Variants in RASA3 observed in about 807,000 individuals in gnomAD.
The protein encoded by RASA3 is ras GTPase-activating protein 3.
RASA3 carries 73 observed loss-of-function variants against 110.0 expected under a neutral mutation model. The ratio of observed to expected loss-of-function variants is 0.66; its 90% CI spans 0.55 to 0.81. The LOEUF is 0.81. Ranked by LOEUF, RASA3 falls within the 30% of genes least tolerant of loss-of-function variation. The probability of loss-of-function intolerance (pLI) is 0.00; values close to 1 mark genes in which losing one functional copy is unlikely to be tolerated. For missense variants in RASA3, 976 were observed against 1,113.2 expected (o/e 0.88, Z 1.75); for synonymous variants, 500 against 451.4 (o/e 1.11, Z -1.37).
At chr13:114,009,147 C>T (rs531996748) in intron 17 of RASA3, among the ~76,000 whole-genome samples, 2 of 152,332 alleles carry the variant, frequency 1.3e-5, no homozygotes, top group East Asian at 1.9e-4. Flanking sequence ...ACAAGATGGG[C>T]GAGGGCCCCG....
chr13:114,130,830 C>T lies in RASA3; in HGVS notation c.55+1605G>A, dbSNP rs1465567206. ...CCCCACAGGGGCACCCACCTCCAGC[C>T]CTCCTGCCCCCGTGACTGAGGAAGC... On this transcript the variant is annotated intron_variant, in intron 1 of 23. Transcript: ENST00000334062. Among the ~76,000 whole-genome samples, 5 of 152,188 alleles carry T rather than the reference C, an allele frequency of 3.3e-5. No homozygotes were observed. In the East Asian group the frequency reaches 9.7e-4, roughly 29 times the overall value.
rs2079249179 is a variant in RASA3, at chr13:114,056,537, G to C, written c.174-4382C>G. On this transcript the variant is annotated intron_variant, in intron 2 of 23. Transcript: ENST00000334062. This position sits in a 1 kb window ranked among gnomAD's most constrained non-coding sequence, Gnocchi z 5.7. ...CGGGGTGTTCAGTTGCTCTGCCAAA[G>C]GCTCTGCACAAGTGGCTCCTCTCTC... The C allele has an allele frequency of 2.0e-6, 2 of 985,052 alleles. No individual in the cohort carries two copies. Among genetic ancestry groups the C allele is most frequent in the Non-Finnish European group, 2.4e-6 (2 of 829,932 alleles). The allele number at this position is 985,052 out of a possible 1,614,324, so 61.0% of individuals were successfully genotyped here. A position where few individuals can be genotyped will look rare whatever the true frequency, so the allele number is the denominator to read the frequency against.
chr13:114,039,331 C>T (rs919404619), intron 4 of RASA3, among the ~76,000 whole-genome samples: 4 of 147,198 alleles, frequency 2.7e-5, no homozygotes, highest in South Asian at 2.1e-4. Flanking sequence ...GTCCCAGGGA[C>T]GCTGTGCAGC....
intron 3 of RASA3, 63 bp from the exon 4 acceptor site, chr13:114,041,157 G>A: frequency 2.2e-6 from 3 of 1,351,672 alleles, no homozygotes; most frequent in Non-Finnish European, 3.2e-6. Flanking sequence ...ACGCCTGTGA[G>A]CAGAAGCCAG....
intron 2 of RASA3, among the ~76,000 whole-genome samples, chr13:114,063,662 T>C (rs1266724101): frequency 2.0e-5 from 3 of 152,140 alleles, no homozygotes; most frequent in Non-Finnish European, 2.9e-5. Context: ...GCACGCTGTG[T>C]GGTGGGAGCA....
chr13:114,095,232 T>C (rs2079928179), intron 1 of RASA3, among the ~76,000 whole-genome samples: 1 of 152,244 alleles, frequency 6.6e-6, no homozygotes. Context: ...AGTAATTTTC[T>C]GCAATTATTT....
rs1312855403 is a variant in RASA3, at chr13:113,978,844, T to G, written c.*503A>C. 2 of 155,154 alleles carry G rather than the reference T, an allele frequency of 1.3e-5. No individual in the cohort carries two copies. The highest frequency in any genetic ancestry group is 2.9e-5 in the Non-Finnish European group (2 of 69,850). The allele number at this position is 155,154 out of a possible 1,614,324, so 9.6% of individuals were successfully genotyped here. The stretch of plus-strand genomic sequence containing the variant: ...CTGGATGGCAGGCACAGTGGGAGAG[T>G]AATGCTCTGAACCTCCCAATGTGAT... On this transcript the variant is annotated 3_prime_UTR_variant, in exon 24 of 24. Coordinates refer to ENST00000334062, the MANE Select transcript of RASA3 (RefSeq NM_007368.4).
intron 11 of RASA3, 81 bp downstream of exon 11, chr13:114,018,023 G>A: frequency 2.8e-6 from 4 of 1,403,524 alleles, no homozygotes; most frequent in Non-Finnish European, 3.8e-6. Context: ...CCTGCCCCAG[G>A]ACACGTGGTT....
chr13:113,992,430 G>A (rs1025386683), intron 22 of RASA3, 55 bp downstream of exon 22: 29 of 1,417,136 alleles, frequency 2.0e-5, no homozygotes, highest in East Asian at 9.3e-5. Context: ...TCCTGAGGCC[G>A]GGGCCTCGCC....
intron 10 of RASA3, 34 bp from the exon 11 acceptor site, chr13:114,018,286 G>C (rs535783834): frequency 6.5e-7 from 1 of 1,539,434 alleles, no homozygotes; most frequent in African/African-American, 1.4e-5. Flanking sequence ...GCCAGGGCCC[G>C]GGGTGCAGGA....
At chr13:114,053,394 G>A (rs1350447006) in intron 2 of RASA3, among the ~76,000 whole-genome samples, 1 of 152,244 alleles carries the variant, frequency 6.6e-6, no homozygotes, top group Non-Finnish European at 1.5e-5. Flanking sequence ...TCCCCACGCC[G>A]GACCTGTTGG....
intron 16 of RASA3, among the ~76,000 whole-genome samples, chr13:114,010,842 C>T (rs968214031): frequency 1.6e-4 from 4 of 25,102 alleles, no homozygotes; most frequent in Admixed American, 9.4e-4. Context: ...CCTCCAGCAC[C>T]GCAACGCCCA....
chr13:114,062,146 C>T (rs148328413), intron 2 of RASA3, among the ~76,000 whole-genome samples: 261 of 151,712 alleles, frequency 1.7e-3, no homozygotes, highest in South Asian at 0.01. Context: ...TGAGTTGATT[C>T]GTAATTCCAT....
intron 1 of RASA3, among the ~76,000 whole-genome samples, chr13:114,126,133 T>C (rs9562118): frequency 2.1e-5 from 2 of 95,186 alleles, no homozygotes; most frequent in African/African-American, 4.0e-5. Flanking sequence ...GCACCTGCTG[T>C]CCAACCTCGC....
intron 18 of RASA3, 107 bp from the exon 19 acceptor site, chr13:114,001,039 T>C (rs1340664236): frequency 6.8e-6 from 5 of 739,092 alleles, no homozygotes; most frequent in East Asian, 4.9e-5. Flanking sequence ...AGGCAGGCAG[T>C]GGATTTTCAA....
intron 1 of RASA3, among the ~76,000 whole-genome samples, chr13:114,127,795 A>T (rs2080469822): frequency 6.6e-6 from 1 of 152,182 alleles, no homozygotes. Flanking sequence ...GAGGAGAAGA[A>T]CTCGGATCCC....
intron 8 of RASA3, among the ~76,000 whole-genome samples, 188 bp downstream of exon 8, chr13:114,024,091 A>C (rs1331357628): frequency 6.6e-6 from 1 of 152,254 alleles, no homozygotes; most frequent in Non-Finnish European, 1.5e-5. Context: ...AGGTATTGCA[A>C]GGTGAGCCCT....
At position 114,124,145 on chromosome 13, in the gene RASA3, C is replaced by T. The variant is rs532943324; in HGVS notation, c.55+8290G>A. On this transcript the variant is annotated intron_variant, in intron 1 of 23. Transcript: ENST00000334062. ...AGCCGTTACTGGCTGTGTTGTGATA[C>T]CAGCAGGGCACTGACTGTCCCCAGA... Among the ~76,000 whole-genome samples, 5 of 152,270 alleles carry T rather than the reference C, an allele frequency of 3.3e-5. No homozygotes were observed. The South Asian group carries it at 1.0e-3, about 32-fold the overall frequency.
At chr13:114,052,912 G>T (rs375095723) in intron 2 of RASA3, among the ~76,000 whole-genome samples, 51 of 128,084 alleles carry the variant, frequency 4.0e-4, no homozygotes, top group Admixed American at 9.1e-4. Flanking sequence ...GCTCCTGGGG[G>T]AGAGACCCCC....
Sources: allele counts gnomAD v4.1 joint callset (sites outside exome capture counted in the v4.1 genomes callset), GRCh38; gene constraint gnomAD v4.1.1; non-coding constraint Gnocchi (gnomAD v3.1); transcripts MANE v1.5; gene names NCBI Gene and HGNC (gene_info 2026-07-23, HGNC 2026-07-21).